The following SLC5A11 variants were observed in gnomAD, a reference collection of about 807,000 sequenced individuals.
SLC5A11 encodes the protein solute carrier family 5 member 11.
SLC5A11 carries 48 observed loss-of-function variants against 69.8 expected under a neutral mutation model. That is an observed-to-expected ratio of 0.69 (90% CI 0.55 to 0.87). The LOEUF is 0.87. Ranked by LOEUF, SLC5A11 falls within the 40% of genes least tolerant of loss-of-function variation. The pLI is 0.00. For missense variants in SLC5A11, 784 were observed against 866.1 expected (o/e 0.91, Z 1.19); for synonymous variants, 319 against 342.4 (o/e 0.93, Z 0.75).
At chr16:24,862,769 A>G (rs1338998401) in intron 3 of SLC5A11, 97 bp downstream of exon 4, 12 of 1,094,564 alleles carry the variant, frequency 1.1e-5, no homozygotes, top group Non-Finnish European at 1.6e-5. Flanking sequence ...CTCTGGTCTC[A>G]TGTCGTTTGG....
intron 4 of SLC5A11, among the ~76,000 whole-genome samples, chr16:24,871,949 C>A (rs989789977): frequency 6.6e-6 from 1 of 152,120 alleles, no homozygotes; most frequent in Non-Finnish European, 1.5e-5. Flanking sequence ...ATCGCAAAGG[C>A]CTTCTTTTTC....
intron 8 of SLC5A11, among the ~76,000 whole-genome samples, chr16:24,884,513 G>GTTTTTTT (rs10572531): frequency 9.1e-6 from 1 of 110,272 alleles, no homozygotes; most frequent in Non-Finnish European, 1.9e-5. Flanking sequence ...TTTTTATTTT[G>GTTTTTTT]TTTTTTTTTT....
chr16:24,907,912 G>A, intron 12 of SLC5A11, 51 bp from the exon 14 acceptor site: 1 of 1,571,992 alleles, frequency 6.4e-7, no homozygotes, highest in Non-Finnish European at 8.6e-7. Flanking sequence ...GAGGGAAAGA[G>A]GAGTAAATGT....
At chr16:24,895,356 G>A (rs796859079) in intron 9 of SLC5A11, among the ~76,000 whole-genome samples, 7 of 151,850 alleles carry the variant, frequency 4.6e-5, no homozygotes, top group African/African-American at 1.7e-4. Context: ...GGGCATGGTG[G>A]CAGGATCCTG....
intron 7 of SLC5A11, among the ~76,000 whole-genome samples, chr16:24,880,319 G>C (rs2047956067): frequency 6.6e-6 from 1 of 152,046 alleles, no homozygotes; most frequent in African/African-American, 2.4e-5. Context: ...GAGTGAAGCG[G>C]GAGGTGCTAC....
At chr16:24,861,352 T>C (rs888558019) in intron 2 of SLC5A11, among the ~76,000 whole-genome samples, 1 of 151,934 alleles carries the variant, frequency 6.6e-6, no homozygotes, top group Non-Finnish European at 1.5e-5. Context: ...TGGTGGCATA[T>C]GCCTGTAGTC....
At chr16:24,878,905 C>G (rs1036733444) in intron 7 of SLC5A11, among the ~76,000 whole-genome samples, 3 of 152,142 alleles carry the variant, frequency 2.0e-5, no homozygotes, top group Admixed American at 2.0e-4. Flanking sequence ...CATGATGGCA[C>G]ATGCCTGTAA....
rs149769832 is a variant in SLC5A11, at chr16:24,872,566, C to G, written c.372+347C>G. 6.7e-3 allele frequency among the ~76,000 whole-genome samples: 1,020 copies of G among 152,196 alleles called. 6 individuals are homozygous for G. Among genetic ancestry groups the G allele is most frequent in the Middle Eastern group, 0.017 (5 of 294 alleles). Reference sequence around the variant, plus strand: ...ATGTTTCTGCTATATTTTTTTGAGACAGGGTCTGGCTTTGTCCCCAGGATG... The same window carrying G: ...ATGTTTCTGCTATATTTTTTTGAGAGAGGGTCTGGCTTTGTCCCCAGGATG... On this transcript the variant is annotated intron_variant, in intron 5 of 15. Coordinates refer to ENST00000347898, the Ensembl canonical transcript of SLC5A11.
In SLC5A11 at chr16:24,909,082, C is replaced by A. The variant is rs376258271; in HGVS notation, c.1636C>A (p.Pro546Thr). Residue 546 changes from proline to threonine, a missense_variant, in exon 14 of 16, where the codon CCC becomes ACC. Around this residue, in one of 3 missense-constraint regions of SLC5A11, gnomAD observed 550 missense variants for 606.4 expected, o/e 0.91. Coordinates refer to ENST00000347898, the Ensembl canonical transcript of SLC5A11. ...CACCGTGAGCTGGTTCACAGAGCCA[C>A]CCTCCAAGGAGATGGTACATTTGGG... The A allele has an allele frequency of 4.3e-6, 7 of 1,613,996 alleles. No individual in the cohort carries two copies. In the Admixed American group the frequency reaches 8.3e-5, roughly 19 times the overall value.
exon 16 of SLC5A11, chr16:24,911,535 G>A (rs768909691): frequency 1.2e-6 from 2 of 1,614,134 alleles, no homozygotes; most frequent in Non-Finnish European, 1.7e-6. Flanking sequence ...TTTGCTTAGT[G>A]TGGGGTGAAC....
At chr16:24,892,953 C>T (rs576719720) in intron 9 of SLC5A11, among the ~76,000 whole-genome samples, 5 of 152,084 alleles carry the variant, frequency 3.3e-5, no homozygotes, top group South Asian at 4.2e-4. Context: ...AGGACTGATC[C>T]GGGCTAACAT....
In SLC5A11 at chr16:24,870,569, C is replaced by T. The variant is rs147087611; in HGVS notation, c.312+564C>T. Among the ~76,000 whole-genome samples, 1,299 of 151,538 alleles carry T rather than the reference C, an allele frequency of 8.6e-3. 21 individuals carry two copies. Among genetic ancestry groups the T allele is most frequent in the African/African-American group, 0.029 (1,210 of 41,318 alleles). On this transcript the variant is annotated intron_variant, in intron 4 of 15. Transcript: ENST00000347898. Reference sequence around the variant, plus strand: ...CCAAGGTGGGCGGATCTTTTGAGGTCAGGAGTTTGAGACCAGCCTGGCCAA... The same window carrying T: ...CCAAGGTGGGCGGATCTTTTGAGGTTAGGAGTTTGAGACCAGCCTGGCCAA...
intron 7 of SLC5A11, among the ~76,000 whole-genome samples, chr16:24,879,599 TGGTGGCA>T (rs1360973345): frequency 6.6e-6 from 1 of 152,046 alleles, no homozygotes; most frequent in Admixed American, 6.6e-5. Context: ...TAGCAGAGTG[TGGTGGCA>T]GGTGCCTGTA....
At chr16:24,872,246 T>C in intron 5 of SLC5A11, 27 bp downstream of exon 6, 1 of 1,613,320 alleles carries the variant, frequency 6.2e-7, no homozygotes, top group Non-Finnish European at 8.5e-7. Context: ...TGGGATGCTG[T>C]AGAATTGAAA....
At chr16:24,859,030 G>T (rs944490623) in intron 2 of SLC5A11, among the ~76,000 whole-genome samples, 1 of 152,148 alleles carries the variant, frequency 6.6e-6, no homozygotes. Flanking sequence ...GAAAGATGCT[G>T]TTACAATACC....
At chr16:24,857,865 T>C (rs2059602338) in intron 1 of SLC5A11, among the ~76,000 whole-genome samples, 1 of 152,224 alleles carries the variant, frequency 6.6e-6, no homozygotes, top group Non-Finnish European at 1.5e-5. Flanking sequence ...GAGGTAAGCA[T>C]CTTTGGGGGC....
At position 24,849,593 on chromosome 16, in the gene SLC5A11, A is replaced by AATATATATATATAT. The variant is rs1555515955; in HGVS notation, c.-25+3172_-25+3185dup. On this transcript the variant is annotated intron_variant, in intron 1 of 15. Coordinates refer to ENST00000347898, the Ensembl canonical transcript of SLC5A11. ...GGGGCAAAAAAAAAAAAAAAAAAAA[A>AATATATATATATAT]ATATATATATATATATATATATATA... Among the ~76,000 whole-genome samples, 140 of 35,816 alleles carry AATATATATATATAT rather than the reference A, an allele frequency of 3.9e-3. 1 individual carries two copies. The highest frequency in any genetic ancestry group is 6.4e-3 in the Non-Finnish European group (114 of 17,894). 23.5% of individuals were successfully genotyped at this position (35,816 alleles called of 152,430 possible).
exon 16 of SLC5A11, chr16:24,911,504 G>A (rs368113331): frequency 1.7e-5 from 28 of 1,613,926 alleles, no homozygotes; most frequent in Middle Eastern, 1.6e-4. Flanking sequence ...CGTGAGCTGC[G>A]CCATCTTTAT....
rs762433569 is a variant in SLC5A11, at chr16:24,877,250, C to G, written c.478-8C>G. 1.9e-6 allele frequency: 3 copies of G among 1,612,966 alleles called. No homozygotes were observed. Among genetic ancestry groups the G allele is most frequent in the Non-Finnish European group, 2.5e-6 (3 of 1,179,320 alleles). On this transcript the variant is annotated splice_polypyrimidine_tract_variant and splice_region_variant and intron_variant, in intron 6 of 15. Transcript: ENST00000347898. ...ATTTGTTCATCCATCAACCTCCTTT[C>G]TTCACAGGTAGACATGTATGCAGGT...
Sources: gnomAD v4.1 joint callset for allele counts (sites outside exome capture counted in the v4.1 genomes callset) on GRCh38, gnomAD v4.1.1 for gene constraint, gnomAD v4.1.1 regional missense constraint, MANE v1.5 for transcripts, NCBI Gene and HGNC (gene_info 2026-07-23, HGNC 2026-07-21) for gene names.